ADCY1: variants seen among roughly 807,000 people sequenced by gnomAD.
ADCY1 encodes adenylate cyclase type 1.
Under a neutral mutation model 105.4 loss-of-function variants are expected in ADCY1, and 28 were observed. The observed-to-expected ratio is 0.27, with a 90% confidence interval of 0.20 to 0.36. The LOEUF is 0.36. Ranked by LOEUF, ADCY1 falls within the 10% of genes least tolerant of loss-of-function variation. ADCY1 has a pLI of 1.00. For synonymous variants in ADCY1, 655 were observed against 623.8 expected, an observed-to-expected ratio of 1.05 and a Z score of -0.75; for missense variants, 977 against 1,434.2, an observed-to-expected ratio of 0.68 and a Z score of 5.15.
At chr7:45,693,632 G>A (rs1784823474) in intron 14 of ADCY1, among the ~76,000 whole-genome samples, 1 of 151,890 alleles carries the variant, frequency 6.6e-6, no homozygotes, top group Non-Finnish European at 1.5e-5. Flanking sequence ...AGAGGTGTTT[G>A]TAGTATTCTC....
In ADCY1 at chr7:45,718,598, A is replaced by C. The variant is rs1785403265; in HGVS notation, c.*4603A>C. 1 of 152,404 alleles carries C rather than the reference A, an allele frequency of 6.6e-6. No homozygotes were observed. Among genetic ancestry groups the C allele is most frequent in the African/African-American group, 2.4e-5 (1 of 41,472 alleles). 9.4% of individuals were successfully genotyped at this position (152,404 alleles called of 1,614,324 possible). A position where few individuals can be genotyped will look rare whatever the true frequency, so the allele number is the denominator to read the frequency against. Reference sequence around the variant, plus strand: ...TCCATGCTCTTTGGCACCAGGCAGGAGATGCTGCAGGCAGGTGTCCGTAGT... The same window carrying C: ...TCCATGCTCTTTGGCACCAGGCAGGCGATGCTGCAGGCAGGTGTCCGTAGT... On this transcript the variant is annotated 3_prime_UTR_variant, in exon 20 of 20. Transcript: ENST00000297323.
chr7:45,584,731 A>C (rs892109129), intron 1 of ADCY1, among the ~76,000 whole-genome samples: 14 of 152,174 alleles, frequency 9.2e-5, no homozygotes, highest in Middle Eastern at 3.2e-3. Flanking sequence ...GCCAGCATCT[A>C]GGCTTTCCAT....
intron 3 of ADCY1, among the ~76,000 whole-genome samples, chr7:45,619,690 TAGC>T (rs1286401148): frequency 6.6e-6 from 1 of 152,142 alleles, no homozygotes; most frequent in Non-Finnish European, 1.5e-5. Flanking sequence ...GTCAAATTCA[TAGC>T]AGCAAAGTAG....
At chr7:45,650,788 G>T (rs942568977) in intron 5 of ADCY1, among the ~76,000 whole-genome samples, 2 of 152,106 alleles carry the variant, frequency 1.3e-5, no homozygotes, top group Non-Finnish European at 2.9e-5. Context: ...CATGTTGATG[G>T]GTTATAAGCT....
intron 8 of ADCY1, among the ~76,000 whole-genome samples, chr7:45,677,605 G>C (rs538880915): frequency 2.6e-5 from 4 of 152,138 alleles, no homozygotes; most frequent in African/African-American, 9.7e-5. Flanking sequence ...CACTGCAAAC[G>C]TGTTTAATCA....
chr7:45,657,916 G>GGTGGGT, intron 6 of ADCY1, 31 bp downstream of exon 6: 4 of 502,912 alleles, frequency 8.0e-6, no homozygotes, highest in Non-Finnish European at 1.2e-5. Context: ...GGAGGGGAGG[G>GGTGGGT]AGGTGGGTGA....
intron 14 of ADCY1, among the ~76,000 whole-genome samples, chr7:45,700,130 G>A (rs999319744): frequency 4.6e-5 from 7 of 152,286 alleles, no homozygotes; most frequent in Middle Eastern, 3.4e-3. Context: ...CAGGGCATGT[G>A]GCTTTGCCCC....
At chr7:45,638,187 C>T (rs1275303535) in intron 4 of ADCY1, among the ~76,000 whole-genome samples, 2 of 152,184 alleles carry the variant, frequency 1.3e-5, no homozygotes, top group Admixed American at 6.5e-5. Context: ...TTTTATGACT[C>T]CTCCTCTTCC....
rs534453996 is a variant in ADCY1, at chr7:45,718,260, T to C, written c.*4265T>C. The C allele has an allele frequency of 2.6e-5, 4 of 152,394 alleles. No individual in the cohort carries two copies. The South Asian group carries it at 8.3e-4, about 32-fold the overall frequency. 9.4% of individuals were successfully genotyped at this position (152,394 alleles called of 1,614,324 possible). On this transcript the variant is annotated 3_prime_UTR_variant, in exon 20 of 20. Coordinates refer to ENST00000297323, the MANE Select transcript of ADCY1 (RefSeq NM_021116.4). ...CTCACACTGACCAACGGTGGTATGCTGCAGTTTGTTGGTTTGGTGCAGAGT... is the reference window on the plus strand; with the variant it reads ...CTCACACTGACCAACGGTGGTATGCCGCAGTTTGTTGGTTTGGTGCAGAGT...
At chr7:45,666,504 C>T (rs1784258275) in intron 8 of ADCY1, among the ~76,000 whole-genome samples, 1 of 152,228 alleles carries the variant, frequency 6.6e-6, no homozygotes, top group Non-Finnish European at 1.5e-5. Context: ...ATATGTACCA[C>T]ATTTTCTTAA....
intron 4 of ADCY1, among the ~76,000 whole-genome samples, chr7:45,632,996 C>T (rs1292315869): frequency 6.6e-6 from 1 of 152,182 alleles, no homozygotes; most frequent in East Asian, 1.9e-4. Flanking sequence ...TGGCTCACTG[C>T]AATCTCTGCC....
At chr7:45,586,525 C>T (rs146394871) in intron 1 of ADCY1, among the ~76,000 whole-genome samples, 12 of 152,270 alleles carry the variant, frequency 7.9e-5, no homozygotes, top group African/African-American at 1.2e-4. Context: ...AGCATTCTGC[C>T]GGCCCTGTTT....
chr7:45,706,935 C>T (rs1785134177), intron 17 of ADCY1, among the ~76,000 whole-genome samples: 1 of 152,152 alleles, frequency 6.6e-6, no homozygotes, highest in Non-Finnish European at 1.5e-5. Context: ...ATGCAGATGA[C>T]AGATAGGCAT....
intron 4 of ADCY1, among the ~76,000 whole-genome samples, chr7:45,634,453 G>A (rs1794344971): frequency 6.8e-6 from 1 of 147,612 alleles, no homozygotes; most frequent in African/African-American, 2.5e-5. Context: ...ATTCAGAAAT[G>A]GATGTTGAAT....
At position 45,602,971 on chromosome 7, in the gene ADCY1, C is replaced by A. The variant is rs966913921; in HGVS notation, c.790-7408C>A. On this transcript the variant is annotated intron_variant, in intron 2 of 19. Transcript: ENST00000297323. Reference sequence around the variant, plus strand: ...ACTCTCCATGTATACCCACACCTGCCCTCCAGCAAGACATAGGCACCCACT... The same window carrying A: ...ACTCTCCATGTATACCCACACCTGCACTCCAGCAAGACATAGGCACCCACT... 3.9e-5 allele frequency among the ~76,000 whole-genome samples: 6 copies of A among 152,168 alleles called. No homozygotes were observed. In the South Asian group the frequency reaches 1.2e-3, roughly 32 times the overall value.
At chr7:45,608,277 C>T (rs1458483161) in intron 2 of ADCY1, among the ~76,000 whole-genome samples, 2 of 152,200 alleles carry the variant, frequency 1.3e-5, no homozygotes, top group African/African-American at 4.8e-5. Flanking sequence ...GTCCTTTGCC[C>T]AGTTTTTAAT....
At chr7:45,683,017 ACAT>A (rs1784591603) in intron 11 of ADCY1, among the ~76,000 whole-genome samples, 2 of 152,068 alleles carry the variant, frequency 1.3e-5, no homozygotes, top group South Asian at 2.1e-4. Context: ...TCCTCAGTTG[ACAT>A]CATCTCCCGA....
At chr7:45,604,538 G>T (rs1793325169) in intron 2 of ADCY1, among the ~76,000 whole-genome samples, 1 of 151,918 alleles carries the variant, frequency 6.6e-6, no homozygotes, top group Non-Finnish European at 1.5e-5. Flanking sequence ...TCATTTTTTT[G>T]TCTATGAATG....
At chr7:45,585,115 G>C (rs1162453712) in intron 1 of ADCY1, among the ~76,000 whole-genome samples, 1 of 152,236 alleles carries the variant, frequency 6.6e-6, no homozygotes, top group Non-Finnish European at 1.5e-5. Context: ...ATTCCCCTAT[G>C]AGAGGAATAG....
Sources: gnomAD v4.1 joint callset for allele counts (sites outside exome capture counted in the v4.1 genomes callset) on GRCh38, gnomAD v4.1.1 for gene constraint, MANE v1.5 for transcripts, NCBI Gene and HGNC (gene_info 2026-07-23, HGNC 2026-07-21) for gene names.